TMPRSS12: variants seen among roughly 807,000 people sequenced by gnomAD.
TMPRSS12 encodes the protein transmembrane serine protease 12.
Under a neutral mutation model 26.0 loss-of-function variants are expected in TMPRSS12, and 25 were observed. The ratio of observed to expected loss-of-function variants is 0.96; its 90% CI spans 0.70 to 1.34. The LOEUF is 1.34. Ranked by LOEUF, TMPRSS12 falls within the 40% of genes most tolerant of loss-of-function variation. The probability of loss-of-function intolerance (pLI) is 0.00; values close to 1 mark genes in which losing one functional copy is unlikely to be tolerated. For missense variants in TMPRSS12, 441 were observed against 440.1 expected (o/e 1.00, Z -0.02); for synonymous variants, 150 against 161.7 (o/e 0.93, Z 0.55).
intron 3 of TMPRSS12, among the ~76,000 whole-genome samples, chr12:50,883,100 A>G (rs532379063): frequency 1.3e-5 from 2 of 152,296 alleles, no homozygotes; most frequent in East Asian, 3.9e-4. Flanking sequence ...AGGCCAAATT[A>G]GGAGGCTTGC....
At chr12:50,861,859 G>C (rs1197831220) in intron 3 of TMPRSS12, among the ~76,000 whole-genome samples, 3 of 151,472 alleles carry the variant, frequency 2.0e-5, no homozygotes, top group Middle Eastern at 3.4e-3. Context: ...CTCCAGGCTG[G>C]AGTGCAGTGG....
chr12:50,872,205 T>C (rs897906605), intron 3 of TMPRSS12, among the ~76,000 whole-genome samples: 1 of 152,118 alleles, frequency 6.6e-6, no homozygotes, highest in Admixed American at 6.5e-5. Context: ...TGCCCATCAA[T>C]CAACTAGTGG....
intron 2 of TMPRSS12, among the ~76,000 whole-genome samples, chr12:50,850,818 G>A (rs891895772): frequency 8.5e-5 from 13 of 152,096 alleles, no homozygotes; most frequent in South Asian, 4.1e-4. Flanking sequence ...CCTTGTTGCC[G>A]GTGGACCAGG....
At chr12:50,873,716 A>G (rs184527504) in intron 3 of TMPRSS12, among the ~76,000 whole-genome samples, 169 of 152,316 alleles carry the variant, frequency 1.1e-3, no homozygotes, top group Admixed American at 1.7e-3. Flanking sequence ...CAAGCGGATA[A>G]GTTTGCTACT....
At chr12:50,846,574 T>G (rs1937769668) in intron 2 of TMPRSS12, among the ~76,000 whole-genome samples, 1 of 151,872 alleles carries the variant, frequency 6.6e-6, no homozygotes, top group African/African-American at 2.4e-5. Flanking sequence ...CTTGGTGGTG[T>G]TTTTGTTTTT....
At chr12:50,885,560 C>A in intron 4 of TMPRSS12, 172 bp downstream of exon 4, 1 of 814,382 alleles carries the variant, frequency 1.2e-6, no homozygotes, top group Non-Finnish European at 2.0e-6. Context: ...TTCCTGATTC[C>A]ATGGTTTCTG....
intron 4 of TMPRSS12, chr12:50,885,657 C>T: frequency 1.7e-6 from 1 of 588,670 alleles, no homozygotes; most frequent in South Asian, 2.2e-5. Context: ...AAGTGTACAG[C>T]TCAATTTTTT....
At chr12:50,860,572 C>G (rs986946985) in intron 3 of TMPRSS12, among the ~76,000 whole-genome samples, 1 of 151,112 alleles carries the variant, frequency 6.6e-6, no homozygotes, top group East Asian at 1.9e-4. Flanking sequence ...TGTGCCACCA[C>G]GCCCAGCTTT....
At chr12:50,881,572 A>G (rs963671961) in intron 3 of TMPRSS12, among the ~76,000 whole-genome samples, 1 of 152,200 alleles carries the variant, frequency 6.6e-6, no homozygotes, top group Non-Finnish European at 1.5e-5. Context: ...AAATCATAAT[A>G]ATTTTAAATA....
At chr12:50,863,805 T>C (rs149417074) in intron 3 of TMPRSS12, among the ~76,000 whole-genome samples, 16 of 152,284 alleles carry the variant, frequency 1.1e-4, no homozygotes, top group Middle Eastern at 3.4e-3. Context: ...AATAACTCTA[T>C]GCCCTGTTTT....
chr12:50,869,176 C>CA (rs34723646), intron 3 of TMPRSS12, among the ~76,000 whole-genome samples: 1,873 of 149,634 alleles, frequency 0.013, 35 homozygotes, highest in African/African-American at 0.039. Context: ...GAAATTGAAA[C>CA]AAAAAAAAAA....
At chr12:50,883,388 G>C (rs1419061847) in intron 3 of TMPRSS12, among the ~76,000 whole-genome samples, 1 of 152,122 alleles carries the variant, frequency 6.6e-6, no homozygotes. Flanking sequence ...GGAATCCAAG[G>C]GTTTAAAATT....
At chr12:50,847,530 G>A (rs1312100089) in intron 2 of TMPRSS12, among the ~76,000 whole-genome samples, 1 of 151,922 alleles carries the variant, frequency 6.6e-6, no homozygotes, top group African/African-American at 2.4e-5. Context: ...CTAGGCTGGA[G>A]TGCTACAAGA....
intron 2 of TMPRSS12, among the ~76,000 whole-genome samples, chr12:50,846,579 G>GT (rs969903751): frequency 6.6e-6 from 1 of 151,728 alleles, no homozygotes; most frequent in Non-Finnish European, 1.5e-5. Context: ...TGGTGTTTTT[G>GT]TTTTTTGTTT....
At chr12:50,866,154 C>CTAG (rs1459640825) in intron 3 of TMPRSS12, among the ~76,000 whole-genome samples, 56 of 152,184 alleles carry the variant, frequency 3.7e-4, no homozygotes, top group Non-Finnish European at 7.1e-4. Context: ...CCCAAGACAA[C>CTAG]CCACAGACCC....
intron 3 of TMPRSS12, among the ~76,000 whole-genome samples, chr12:50,872,444 C>T (rs974601369): frequency 6.2e-5 from 8 of 129,466 alleles, no homozygotes; most frequent in East Asian, 2.7e-4. Flanking sequence ...ACCCGGGAAG[C>T]GGAGCTTGCA....
chr12:50,880,941 C>A (rs1206131893), intron 3 of TMPRSS12, among the ~76,000 whole-genome samples: 1 of 141,790 alleles, frequency 7.1e-6, no homozygotes. Context: ...AAAGGCAAAC[C>A]TATAGAGACA....
chr12:50,876,802 T>TA (rs1938117728), intron 3 of TMPRSS12, among the ~76,000 whole-genome samples: 9 of 19,068 alleles, frequency 4.7e-4, no homozygotes, highest in African/African-American at 1.4e-3. Flanking sequence ...AGACTCTGTC[T>TA]CAAAAAAAAA....
At chr12:50,884,191 T>A (rs767523190) in intron 3 of TMPRSS12, among the ~76,000 whole-genome samples, 1 of 152,176 alleles carries the variant, frequency 6.6e-6, no homozygotes, top group African/African-American at 2.4e-5. Flanking sequence ...ACAGCAAACA[T>A]CATTACAGTA....
Sources: gnomAD v4.1 joint callset for allele counts (sites outside exome capture counted in the v4.1 genomes callset) on GRCh38, gnomAD v4.1.1 for gene constraint, MANE v1.5 for transcripts, NCBI Gene and HGNC (gene_info 2026-07-23, HGNC 2026-07-21) for gene names.